Variants in ME1 observed in about 807,000 individuals in gnomAD.
ME1 encodes the protein NADP-dependent malic enzyme.
ME1 carries 74 observed loss-of-function variants against 66.4 expected under a neutral mutation model. The observed-to-expected ratio is 1.11, with a 90% CI of 0.92 to 1.35. ME1 has a LOEUF of 1.35. Among genes scored for constraint, ME1 ranks in the 40% most tolerant of loss-of-function variants. ME1 has a pLI of 0.00. For synonymous variants in ME1, 251 were observed against 235.6 expected (o/e 1.07, Z -0.60); for missense variants, 750 against 694.1 (o/e 1.08, Z -0.90).
At chr6:83,244,628 T>C (rs1450580515) in intron 7 of ME1, among the ~76,000 whole-genome samples, 3 of 152,082 alleles carry the variant, frequency 2.0e-5, no homozygotes, top group Non-Finnish European at 1.5e-5. Context: ...TGCACAAAGC[T>C]TGTGCTTCCT....
intron 6 of ME1, among the ~76,000 whole-genome samples, chr6:83,313,255 G>A (rs1767964014): frequency 6.6e-6 from 1 of 152,116 alleles, no homozygotes; most frequent in Admixed American, 6.6e-5. Flanking sequence ...ATGACAGAAA[G>A]TATTTTTTTA....
intron 11 of ME1, among the ~76,000 whole-genome samples, chr6:83,224,169 G>A (rs1312151440): frequency 1.3e-5 from 2 of 152,152 alleles, no homozygotes; most frequent in Non-Finnish European, 2.9e-5. Flanking sequence ...AGCATGCAAA[G>A]TACAGGATGC....
intron 8 of ME1, among the ~76,000 whole-genome samples, chr6:83,239,156 T>A (rs1002139689): frequency 6.6e-6 from 1 of 152,034 alleles, no homozygotes; most frequent in African/African-American, 2.4e-5. Flanking sequence ...GTGAGTCAAA[T>A]TTTAAAAACT....
chr6:83,235,415 CATG>C (rs1790380693), intron 9 of ME1, among the ~76,000 whole-genome samples: 1 of 151,412 alleles, frequency 6.6e-6, no homozygotes, highest in Non-Finnish European at 1.5e-5. Context: ...CAACTTGTCA[CATG>C]ATGACAGTGT....
At chr6:83,281,293 G>A (rs1284995458) in intron 6 of ME1, among the ~76,000 whole-genome samples, 4 of 152,098 alleles carry the variant, frequency 2.6e-5, no homozygotes, top group African/African-American at 4.8e-5. Flanking sequence ...GCAAAAATCT[G>A]CCTCTAATCT....
At chr6:83,329,477 T>C (rs957942191) in intron 5 of ME1, among the ~76,000 whole-genome samples, 1 of 152,216 alleles carries the variant, frequency 6.6e-6, no homozygotes, top group African/African-American at 2.4e-5. Context: ...TCCAGTGGTA[T>C]ATAATAAGTA....
In ME1 at chr6:83,290,512, T is replaced by G. The variant is rs1767481267; in HGVS notation, c.704+24798A>C. Among the ~76,000 whole-genome samples the G allele has an allele frequency of 2.0e-5, 3 of 152,180 alleles. No homozygotes were observed. In the South Asian group the frequency reaches 6.2e-4, roughly 32 times the overall value. ...GAGAGACAGTTTGTTGTGATTTCTG[T>G]TCGTTTATATTTGCTGAGTGTTTTA... On this transcript the variant is annotated intron_variant, in intron 6 of 13. Transcript: ENST00000369705.
chr6:83,316,444 A>G (rs1338150843), intron 5 of ME1, among the ~76,000 whole-genome samples: 1 of 152,176 alleles, frequency 6.6e-6, no homozygotes, highest in Non-Finnish European at 1.5e-5. Flanking sequence ...AAGGACATCT[A>G]TGAAAATCCC....
At chr6:83,309,045 AG>A (rs986131795) in intron 6 of ME1, among the ~76,000 whole-genome samples, 2 of 152,102 alleles carry the variant, frequency 1.3e-5, no homozygotes, top group Non-Finnish European at 2.9e-5. Flanking sequence ...AAAGTGGGCA[AG>A]GGGGGAAACT....
At chr6:83,403,956 A>T (rs1769885188) in intron 2 of ME1, among the ~76,000 whole-genome samples, 1 of 152,196 alleles carries the variant, frequency 6.6e-6, no homozygotes, top group South Asian at 2.1e-4. Flanking sequence ...ATAGTGCCGC[A>T]GTAAACATAC....
intron 6 of ME1, among the ~76,000 whole-genome samples, chr6:83,270,069 T>G (rs931344824): frequency 2.6e-5 from 4 of 152,018 alleles, no homozygotes; most frequent in African/African-American, 9.7e-5. Flanking sequence ...CTTTAATCCA[T>G]CTAATGGGAA....
intron 6 of ME1, among the ~76,000 whole-genome samples, chr6:83,304,131 T>C (rs2128537218): frequency 6.6e-6 from 1 of 152,286 alleles, no homozygotes; most frequent in South Asian, 2.1e-4. Flanking sequence ...GAAGGTACTA[T>C]TAGCATTTTA....
Position 83,279,009 on chromosome 6 carries a change from C to A in ME1, c.705-25271G>T, listed in dbSNP as rs570731371. 7.9e-5 allele frequency among the ~76,000 whole-genome samples: 12 copies of A among 152,234 alleles called. No homozygotes were observed. In the East Asian group the frequency reaches 1.5e-3, roughly 20 times the overall value. ...TAGTAAACAACCCCTTCCCCCCCAACCCTATCACTGCCCCAACAGGGCTCT... is the reference window on the plus strand; with the variant it reads ...TAGTAAACAACCCCTTCCCCCCCAAACCTATCACTGCCCCAACAGGGCTCT... On this transcript the variant is annotated intron_variant, in intron 6 of 13. Coordinates refer to ENST00000369705, the MANE Select transcript of ME1 (RefSeq NM_002395.6).
intron 7 of ME1, among the ~76,000 whole-genome samples, chr6:83,247,660 AGTATTACATCT>A (rs1463818701): frequency 6.6e-6 from 1 of 152,164 alleles, no homozygotes; most frequent in African/African-American, 2.4e-5. Flanking sequence ...CAGAGAGGAA[AGTATTACATCT>A]GTGGGCATAA....
intron 9 of ME1, among the ~76,000 whole-genome samples, chr6:83,236,698 T>C (rs1293413039): frequency 6.6e-6 from 1 of 152,172 alleles, no homozygotes; most frequent in African/African-American, 2.4e-5. Flanking sequence ...TAAGATAACA[T>C]TCAAACAAGC....
At position 83,275,566 on chromosome 6, in the gene ME1, T is replaced by C. The variant is rs13214413; in HGVS notation, c.705-21828A>G. 4.2e-3 allele frequency among the ~76,000 whole-genome samples: 491 copies of C among 116,512 alleles called. 12 individuals are homozygous for C. Among genetic ancestry groups the C allele is most frequent in the Non-Finnish European group, 1.1e-3 (64 of 56,744 alleles). The allele number at this position is 116,512 out of a possible 152,430, so 76.4% of individuals were successfully genotyped here. A position where few individuals can be genotyped will look rare whatever the true frequency, so the allele number is the denominator to read the frequency against. On this transcript the variant is annotated intron_variant, in intron 6 of 13. Transcript: ENST00000369705. ...CTGCAAGCTCCGCCTCCCGGGTTCA[T>C]GCCATTCTCCTGCCTCAGCCTCCCA...
rs535958698 is a variant in ME1 at position 83,407,909 on chromosome 6, G to GA, written c.79-9dup. 3.7e-4 allele frequency: 581 copies of GA among 1,588,716 alleles called. 1 individual carries two copies. The highest frequency in any genetic ancestry group is 1.5e-3 in the Admixed American group (81 of 52,508). ...CAGGGTAAAGGCCAAGTCCTATAGA[G>GA]AAAAAACACACACACACACACAACA... On this transcript the variant is annotated splice_polypyrimidine_tract_variant and intron_variant, in intron 1 of 13. Coordinates refer to ENST00000369705, the MANE Select transcript of ME1 (RefSeq NM_002395.6).
In ME1 at chr6:83,223,946, CA is replaced by C; in HGVS notation, c.1276-14del. ...AAATTGCACGTCCCTACAACAAAGA[CA>C]CATACAACTCACTTTAAAAAGAAGC... On this transcript the variant is annotated splice_polypyrimidine_tract_variant and intron_variant, in intron 11 of 13. Coordinates refer to ENST00000369705, the MANE Select transcript of ME1 (RefSeq NM_002395.6). The C allele has an allele frequency of 6.2e-7, 1 of 1,610,658 alleles. No individual in the cohort carries two copies. The highest frequency in any genetic ancestry group is 8.5e-7 in the Non-Finnish European group (1 of 1,177,916).
intron 1 of ME1, among the ~76,000 whole-genome samples, chr6:83,423,034 A>C (rs1229431827): frequency 6.6e-6 from 1 of 152,160 alleles, no homozygotes; most frequent in African/African-American, 2.4e-5. Context: ...GATAAACCCC[A>C]AAACCTCCAA....
Sources: gnomAD v4.1 joint callset for allele counts (sites outside exome capture counted in the v4.1 genomes callset) on GRCh38, gnomAD v4.1.1 for gene constraint, MANE v1.5 for transcripts, NCBI Gene and HGNC (gene_info 2026-07-23, HGNC 2026-07-21) for gene names.